The following ZFHX3 variants were observed in gnomAD, a reference collection of about 807,000 sequenced individuals.
ZFHX3 encodes zinc finger homeobox protein 3.
ZFHX3 carries 42 observed loss-of-function variants against 279.1 expected under a neutral mutation model. The ratio of observed to expected loss-of-function variants is 0.15; its 90% CI spans 0.12 to 0.19. ZFHX3 has a LOEUF of 0.19. ZFHX3 is among the 10% of genes least tolerant of loss of function. The probability of loss-of-function intolerance (pLI) is 1.00; values close to 1 mark genes in which losing one functional copy is unlikely to be tolerated. For synonymous variants in ZFHX3, 2,293 were observed against 1,957.8 expected (o/e 1.17, Z -4.52); for missense variants, 4,981 against 4,754.0 (o/e 1.05, Z -1.40).
At chr16:73,727,417 TC>T (rs2053528368) in intron 1 of ZFHX3, among the ~76,000 whole-genome samples, 1 of 152,188 alleles carries the variant, frequency 6.6e-6, no homozygotes, top group South Asian at 2.1e-4. Flanking sequence ...GAAAGGGTGC[TC>T]AAATCTTTCA....
chr16:72,822,210 TCAATGGTTGCCA>T (rs1268679368), intron 5 of ZFHX3, among the ~76,000 whole-genome samples: 40 of 152,312 alleles, frequency 2.6e-4, no homozygotes, highest in Middle Eastern at 3.4e-3. Context: ...ATTACAAAAA[TCAATGGTTGCCA>T]CATAGCTCCT....
intron 1 of ZFHX3, among the ~76,000 whole-genome samples, chr16:73,790,962 C>G (rs547501015): frequency 1.3e-5 from 2 of 152,256 alleles, no homozygotes; most frequent in South Asian, 4.1e-4. Flanking sequence ...ACTCCAACCT[C>G]AGGTTTTTTG....
At chr16:73,318,391 C>T (rs2015502335) in intron 3 of ZFHX3, 1 of 152,252 alleles carries the variant, frequency 6.6e-6, no homozygotes, top group Non-Finnish European at 1.5e-5. Flanking sequence ...GACACAGCTT[C>T]TCTCCCCTGG....
intron 1 of ZFHX3, among the ~76,000 whole-genome samples, chr16:73,819,000 G>A (rs925396145): frequency 1.3e-5 from 2 of 152,112 alleles, no homozygotes; most frequent in African/African-American, 4.8e-5. Flanking sequence ...TGTCTGGGAA[G>A]CACAATGAAG....
At chr16:73,594,375 A>C in intron 2 of ZFHX3, among the ~76,000 whole-genome samples, 1 of 152,214 alleles carries the variant, frequency 6.6e-6, no homozygotes, top group Admixed American at 6.5e-5. Flanking sequence ...AAAATACAAA[A>C]ATAAAAATAA....
At chr16:72,837,001 C>T (rs151300286) in intron 4 of ZFHX3, among the ~76,000 whole-genome samples, 78 of 152,258 alleles carry the variant, frequency 5.1e-4, no homozygotes, top group South Asian at 1.9e-3. Context: ...GAATAAAGCT[C>T]GAGACATTCA....
intron 5 of ZFHX3, among the ~76,000 whole-genome samples, chr16:73,240,261 C>G (rs921684626): frequency 1.3e-5 from 2 of 151,804 alleles, no homozygotes; most frequent in African/African-American, 4.8e-5. Context: ...CTCTGTCACC[C>G]AGGCTGGAGT....
intron 6 of ZFHX3, among the ~76,000 whole-genome samples, chr16:73,138,203 G>A (rs1011662906): frequency 2.6e-5 from 4 of 152,092 alleles, no homozygotes; most frequent in Admixed American, 1.3e-4. Flanking sequence ...AGATTTTCTC[G>A]TGAAAGCTTA....
chr16:73,227,679 T>A (rs998226036), intron 5 of ZFHX3, among the ~76,000 whole-genome samples: 6 of 151,548 alleles, frequency 4.0e-5, no homozygotes, highest in African/African-American at 1.5e-4. Context: ...TGAAACCACA[T>A]ATCTACTAAA....
Position 73,881,484 on chromosome 16 carries a change from C to CCCT in ZFHX3, c.-1608+10166_-1608+10167insAGG, listed in dbSNP as rs1555506569. ...TCTCTCTCTCTCTCTCTCTCTGCCC[C>CCCT]CCCCCCCCACTCTGCCCATGGTTAC... On this transcript the variant is annotated intron_variant, in intron 1 of 17. Transcript: ENST00000641206. Among the ~76,000 whole-genome samples, 4 of 77,012 alleles carry CCCT rather than the reference C, an allele frequency of 5.2e-5. 1 individual carries two copies. The South Asian group carries it at 1.7e-3, about 32-fold the overall frequency. The allele number at this position is 77,012 out of a possible 152,430, so 50.5% of individuals were successfully genotyped here. A position where few individuals can be genotyped will look rare whatever the true frequency, so the allele number is the denominator to read the frequency against.
intron 1 of ZFHX3, among the ~76,000 whole-genome samples, chr16:73,045,047 A>C (rs1041886942): frequency 6.6e-6 from 1 of 152,158 alleles, no homozygotes; most frequent in Non-Finnish European, 1.5e-5. Flanking sequence ...CACTGTTACA[A>C]CTCTGCAATA....
chr16:73,745,580 C>G (rs1303503239), intron 1 of ZFHX3, among the ~76,000 whole-genome samples: 5 of 152,186 alleles, frequency 3.3e-5, no homozygotes, highest in African/African-American at 7.2e-5. Flanking sequence ...CAAAATAGTG[C>G]TGTTCAAACC....
intron 1 of ZFHX3, among the ~76,000 whole-genome samples, chr16:73,711,694 AAGAGGCT>A (rs1189848476): frequency 6.6e-6 from 1 of 152,234 alleles, no homozygotes; most frequent in African/African-American, 2.4e-5. Context: ...GAGAAAAAAT[AAGAGGCT>A]GATGGAAAGA....
intron 2 of ZFHX3, among the ~76,000 whole-genome samples, chr16:73,500,472 C>A (rs2019217069): frequency 6.6e-6 from 1 of 151,768 alleles, no homozygotes; most frequent in African/African-American, 2.4e-5. Context: ...GGACTACAGG[C>A]ACATGCCACC....
chr16:73,696,337 T>C (rs755094695), intron 1 of ZFHX3, among the ~76,000 whole-genome samples: 1 of 151,258 alleles, frequency 6.6e-6, no homozygotes, highest in Non-Finnish European at 1.5e-5. Flanking sequence ...CCACAGTAAC[T>C]AAGATTGCTT....
chr16:73,480,412 C>T (rs1010413905), intron 2 of ZFHX3, among the ~76,000 whole-genome samples: 26 of 152,278 alleles, frequency 1.7e-4, no homozygotes, highest in African/African-American at 5.8e-4. Context: ...AGGTAATGAA[C>T]CTTGTTTCCA....
chr16:73,496,837 T>G (rs2019150115), intron 2 of ZFHX3, among the ~76,000 whole-genome samples: 1 of 152,142 alleles, frequency 6.6e-6, no homozygotes, highest in African/African-American at 2.4e-5. Flanking sequence ...GGTAGGAGGC[T>G]TCCCCTCGCC....
chr16:73,484,846 T>A (rs2018945070), intron 2 of ZFHX3, among the ~76,000 whole-genome samples: 1 of 152,250 alleles, frequency 6.6e-6, no homozygotes, highest in Admixed American at 6.5e-5. Flanking sequence ...CGCATTTTAT[T>A]TTTACATTGT....
In ZFHX3 at chr16:73,097,796, A is replaced by G. The variant is rs906372781; in HGVS notation, c.-896-4198T>C. 2.0e-5 allele frequency among the ~76,000 whole-genome samples: 3 copies of G among 152,126 alleles called. No homozygotes were observed. In the South Asian group the frequency reaches 6.2e-4, roughly 32 times the overall value. On this transcript the variant is annotated intron_variant, in intron 7 of 17. Coordinates refer to the ZFHX3 transcript ENST00000641206. ...TACTTTCCGTCTCTATGAATTTGCT[A>G]TTCTGAACATTTCACATAAATGGCG...
Sources: gnomAD v4.1 joint callset for allele counts (sites outside exome capture counted in the v4.1 genomes callset) on GRCh38, gnomAD v4.1.1 for gene constraint, MANE v1.5 for transcripts, NCBI Gene and HGNC (gene_info 2026-07-23, HGNC 2026-07-21) for gene names.